Variants in PRIM2 observed in about 807,000 individuals in gnomAD.
PRIM2 encodes DNA primase subunit 2, also known as DNA primase large subunit.
In PRIM2, 39 loss-of-function variants were observed where a neutral mutation model predicts 67.3. The observed-to-expected ratio is 0.58, with a 90% CI of 0.45 to 0.76. The LOEUF (loss-of-function observed/expected upper bound fraction) is 0.76, where lower values mean the gene tolerates loss of function less well. PRIM2 is among the 30% of genes least tolerant of loss of function. The pLI is 0.00. For missense variants in PRIM2, 398 were observed against 598.7 expected, an observed-to-expected ratio of 0.66 and a Z score of 3.50; for synonymous variants, 143 against 198.7, an observed-to-expected ratio of 0.72 and a Z score of 2.36.
intron 10 of PRIM2, among the ~76,000 whole-genome samples, chr6:57,542,125 C>CA (rs1379951468): frequency 7.2e-5 from 11 of 152,178 alleles, no homozygotes; most frequent in African/African-American, 2.6e-4. Context: ...TACAGGCATG[C>CA]ACCACCATGC....
chr6:57,458,651 C>G (rs928748699), intron 7 of PRIM2, among the ~76,000 whole-genome samples: 1 of 152,152 alleles, frequency 6.6e-6, no homozygotes, highest in East Asian at 1.9e-4. Flanking sequence ...CGCCATTGCA[C>G]TCCAGCCTGG....
chr6:57,567,797 A>G (rs1315434657), intron 10 of PRIM2, among the ~76,000 whole-genome samples: 1 of 152,156 alleles, frequency 6.6e-6, no homozygotes, highest in African/African-American at 2.4e-5. Context: ...TTATAGACAT[A>G]TTTTAAAAGA....
intron 7 of PRIM2, among the ~76,000 whole-genome samples, chr6:57,434,073 C>T (rs540960065): frequency 7.4e-4 from 113 of 151,956 alleles, no homozygotes; most frequent in African/African-American, 2.5e-3. Flanking sequence ...TACAAGCGTG[C>T]GCCACCATGC....
At chr6:57,277,718 T>C in the PRIM2 span, among the ~76,000 whole-genome samples, 26 of 152,174 alleles carry the variant, frequency 1.7e-4, no homozygotes, top group African/African-American at 5.8e-4. Flanking sequence ...GGTGGCTTCA[T>C]GCCTGTAATC....
rs2397256 is a variant in PRIM2 at position 57,389,307 on chromosome 6, A to T, written c.693+7139A>T. On this transcript the variant is annotated intron_variant, in intron 7 of 13. Transcript: ENST00000615550. ...AATAAAAGTTTATGTAGAGTTGGGG[A>T]TATCCCTATGTTGCCTGGGTTGGTC... Among the ~76,000 whole-genome samples, 7 of 151,890 alleles carry T rather than the reference A, an allele frequency of 4.6e-5. 1 individual carries two copies. Among genetic ancestry groups the T allele is most frequent in the Admixed American group, 4.6e-4 (7 of 15,260 alleles).
intron 7 of PRIM2, among the ~76,000 whole-genome samples, chr6:57,445,344 G>C (rs1355114463): frequency 6.6e-6 from 1 of 152,056 alleles, no homozygotes; most frequent in African/African-American, 2.4e-5. Context: ...CAAAATCATG[G>C]GTTCCTACTG....
At chr6:57,280,204 G>A in the PRIM2 span, among the ~76,000 whole-genome samples, 1 of 152,104 alleles carries the variant, frequency 6.6e-6, no homozygotes, top group Non-Finnish European at 1.5e-5. Flanking sequence ...AAAATTTGGA[G>A]GTGACAGAAA....
chr6:57,410,325 C>T (rs1204507397), intron 7 of PRIM2, among the ~76,000 whole-genome samples: 1 of 99,590 alleles, frequency 1.0e-5, no homozygotes, highest in African/African-American at 4.5e-5. Context: ...GAGTGAAACG[C>T]CATCTCAAAA....
the PRIM2 span, among the ~76,000 whole-genome samples, chr6:57,275,613 C>T: frequency 6.6e-6 from 1 of 152,244 alleles, no homozygotes; most frequent in Admixed American, 6.5e-5. Flanking sequence ...CATAACAGGA[C>T]AATTTCGTGT....
In PRIM2 at chr6:57,541,602, G is replaced by A. The variant is rs1386605756; in HGVS notation, c.1020+3977G>A. On this transcript the variant is annotated intron_variant, in intron 10 of 13. Transcript: ENST00000615550. ...TGGATTTTAACTGTATGGGGTGAGG[G>A]GTGGAGGTTGTTGCCTATAATCTCT... Among the ~76,000 whole-genome samples the A allele has an allele frequency of 2.2e-4, 33 of 152,228 alleles. No individual in the cohort carries two copies. The East Asian group carries it at 6.4e-3, about 29-fold the overall frequency.
chr6:57,642,054 A>G (rs1459379642), intron 13 of PRIM2, among the ~76,000 whole-genome samples: 5 of 152,242 alleles, frequency 3.3e-5, no homozygotes, highest in Non-Finnish European at 2.9e-5. Flanking sequence ...TGAAGCCATT[A>G]AAAAGGATGA....
the PRIM2 span, among the ~76,000 whole-genome samples, chr6:57,306,609 T>C: frequency 6.6e-6 from 1 of 152,136 alleles, no homozygotes; most frequent in Non-Finnish European, 1.5e-5. Context: ...CTAACAAGTA[T>C]ATTTGCTGTG....
chr6:57,223,592 A>C, the PRIM2 span, among the ~76,000 whole-genome samples: 1 of 152,228 alleles, frequency 6.6e-6, no homozygotes. Context: ...AGTATCTCTT[A>C]AACTTGAGTA....
chr6:57,326,893 C>CTTTTTTTTT (rs70989764), intron 5 of PRIM2, among the ~76,000 whole-genome samples: 1 of 131,522 alleles, frequency 7.6e-6, no homozygotes, highest in African/African-American at 3.0e-5. Context: ...GAATTTGTAT[C>CTTTTTTTTT]TTTTTTTTTT....
At chr6:57,309,503 G>A in the PRIM2 span, among the ~76,000 whole-genome samples, 1 of 152,068 alleles carries the variant, frequency 6.6e-6, no homozygotes, top group East Asian at 1.9e-4. Flanking sequence ...GTATTCCATG[G>A]TGTATATGTG....
the PRIM2 span, among the ~76,000 whole-genome samples, chr6:57,297,285 T>C: frequency 6.6e-6 from 1 of 151,708 alleles, no homozygotes; most frequent in Admixed American, 6.6e-5. Flanking sequence ...CCACTAAAAA[T>C]ACAAAAATTA....
At chr6:57,421,157 A>G (rs1771448808) in intron 7 of PRIM2, among the ~76,000 whole-genome samples, 1 of 152,240 alleles carries the variant, frequency 6.6e-6, no homozygotes, top group Admixed American at 6.5e-5. Context: ...AGAAGAGGCC[A>G]TTGTATTTAG....
chr6:57,403,348 C>T, intron 7 of PRIM2, among the ~76,000 whole-genome samples: 1 of 151,418 alleles, frequency 6.6e-6, no homozygotes, highest in Non-Finnish European at 1.5e-5. Context: ...GCTCTGCCTC[C>T]CGGGTTCACA....
chr6:57,412,853 A>G (rs1771136713), intron 7 of PRIM2, among the ~76,000 whole-genome samples: 1 of 152,126 alleles, frequency 6.6e-6, no homozygotes, highest in African/African-American at 2.4e-5. Flanking sequence ...TATGCCATGA[A>G]GAAAGAGAAA....
Sources: allele counts gnomAD v4.1 joint callset (sites outside exome capture counted in the v4.1 genomes callset), GRCh38; gene constraint gnomAD v4.1.1; transcripts MANE v1.5; gene names NCBI Gene and HGNC (gene_info 2026-07-23, HGNC 2026-07-21).